The following GTF2H5 variants were observed in gnomAD, a reference collection of about 807,000 sequenced individuals.
The protein encoded by GTF2H5 is TFB5 ortholog.
GTF2H5 carries 5 observed loss-of-function variants against 7.1 expected under a neutral mutation model. That is an observed-to-expected ratio of 0.71 (90% CI 0.37 to 1.49). The LOEUF is 1.49. Ranked by LOEUF, GTF2H5 falls within the 40% of genes most tolerant of loss-of-function variation. GTF2H5 has a pLI of 0.03. For synonymous variants in GTF2H5, 30 were observed against 31.7 expected (o/e 0.95, Z 0.18); for missense variants, 80 against 83.0 (o/e 0.96, Z 0.14).
Position 158,192,041 on chromosome 6 carries a change from A to G in GTF2H5, c.100A>G (p.Ile34Val), listed in dbSNP as rs748906092. 107 of 1,613,762 alleles carry G rather than the reference A, an allele frequency of 6.6e-5. 1 individual carries two copies. Among genetic ancestry groups the G allele is most frequent in the Middle Eastern group, 3.3e-4 (2 of 6,084 alleles). The part of the protein sequence containing the change: ...DESNALGKKF[I>V]IQDIDDTHVF... ...GTCCAATGCCCTGGGGAAGAAGTTC[A>G]TCATTCAAGACATTGATGACACTCA... Residue 34 changes from isoleucine (I) to valine (V), a missense_variant, in exon 3 of 3, where the codon ATC (isoleucine) becomes GTC (valine). Coordinates refer to ENST00000607778, the MANE Select transcript of GTF2H5 (RefSeq NM_207118.3).
At chr6:158,185,136 A>G (rs1315400322) in intron 2 of GTF2H5, among the ~76,000 whole-genome samples, 6 of 112,530 alleles carry the variant, frequency 5.3e-5, no homozygotes, top group African/African-American at 2.1e-4. Context: ...TGTCCCTTAA[A>G]CTTTGAGTGT....
intron 2 of GTF2H5, among the ~76,000 whole-genome samples, chr6:158,188,858 C>T (rs1776974739): frequency 6.6e-6 from 1 of 151,992 alleles, no homozygotes; most frequent in East Asian, 1.9e-4. Context: ...TTTTTTCAGT[C>T]ACCCAATAAA....
intron 2 of GTF2H5, among the ~76,000 whole-genome samples, chr6:158,187,759 G>A (rs561821652): frequency 6.6e-6 from 1 of 152,216 alleles, no homozygotes; most frequent in East Asian, 1.9e-4. Context: ...GTAGAGATGG[G>A]GTTTCACCGT....
At chr6:158,179,233 G>C (rs1383945657) in intron 2 of GTF2H5, among the ~76,000 whole-genome samples, 2 of 152,196 alleles carry the variant, frequency 1.3e-5, no homozygotes, top group African/African-American at 4.8e-5. Flanking sequence ...GTATCATGCT[G>C]TTTTGGTTAC....
chr6:158,173,782 A>G (rs1283446351), intron 2 of GTF2H5, among the ~76,000 whole-genome samples: 4 of 141,288 alleles, frequency 2.8e-5, no homozygotes, highest in African/African-American at 1.0e-4. Context: ...TGGCTACCCC[A>G]TAGGCAGAGT....
intron 1 of GTF2H5, among the ~76,000 whole-genome samples, chr6:158,168,805 G>C (rs991644181): frequency 2.1e-4 from 32 of 152,202 alleles, no homozygotes; most frequent in Admixed American, 5.9e-4. Flanking sequence ...TATGTAAAAT[G>C]AGGTGGCTGA....
intron 2 of GTF2H5, among the ~76,000 whole-genome samples, chr6:158,172,536 G>A (rs1163139701): frequency 6.6e-6 from 1 of 152,066 alleles, no homozygotes; most frequent in African/African-American, 2.4e-5. Flanking sequence ...TTGACCTCAT[G>A]ATCCACCTGC....
At position 158,198,057 on chromosome 6, in the gene GTF2H5, C is replaced by T. The variant is rs1583643217; in HGVS notation, c.*5900C>T. 2.0e-5 allele frequency: 3 copies of T among 152,088 alleles called. No individual in the cohort carries two copies. The allele number at this position is 152,088 out of a possible 1,614,324, so 9.4% of individuals were successfully genotyped here. On this transcript the variant is annotated 3_prime_UTR_variant, in exon 3 of 3. Transcript: ENST00000607778. ...AAGTCCCCTCAGATATAAAGCAGAA[C>T]GTTATGAAACTGAGTTACCTTGAAT...
rs898660999 is a variant in GTF2H5 at position 158,192,544 on chromosome 6, T to G, written c.*387T>G. The G allele has an allele frequency of 1.9e-5, 5 of 259,536 alleles. No homozygotes were observed. Among genetic ancestry groups the G allele is most frequent in the African/African-American group, 9.1e-5 (4 of 44,182 alleles). The allele number at this position is 259,536 out of a possible 1,614,324, so 16.1% of individuals were successfully genotyped here. A position where few individuals can be genotyped will look rare whatever the true frequency, so the allele number is the denominator to read the frequency against. On this transcript the variant is annotated 3_prime_UTR_variant, in exon 3 of 3. Transcript: ENST00000607778. ...TCAGTTAGAAACGTCATAGATTTGCTGTTTGAATATGCCAAGGTGGGGACT... is the reference window on the plus strand; with the variant it reads ...TCAGTTAGAAACGTCATAGATTTGCGGTTTGAATATGCCAAGGTGGGGACT...
intron 2 of GTF2H5, 129 bp from the exon 3 acceptor site, chr6:158,191,848 A>T: frequency 1.4e-6 from 1 of 725,276 alleles, no homozygotes; most frequent in South Asian, 1.6e-5. Context: ...GCAGAGAGGA[A>T]GTGAGGGATT....
intron 1 of GTF2H5, among the ~76,000 whole-genome samples, chr6:158,169,527 A>ATTG (rs1562468495): frequency 2.0e-4 from 17 of 84,638 alleles, no homozygotes; most frequent in East Asian, 4.1e-4. Flanking sequence ...TATATAATAT[A>ATTG]CAGTATATTA....
intron 1 of GTF2H5, among the ~76,000 whole-genome samples, chr6:158,169,629 T>A (rs1785773440): frequency 1.2e-5 from 1 of 85,610 alleles, no homozygotes; most frequent in Non-Finnish European, 1.9e-5. Flanking sequence ...TATAATATAT[T>A]GTATATTACA....
In GTF2H5 at chr6:158,192,054, T is replaced by C. The variant is rs1248333924; in HGVS notation, c.113T>C (p.Ile38Thr). The C allele has an allele frequency of 2.5e-6, 4 of 1,612,750 alleles. No homozygotes were observed. The highest frequency in any genetic ancestry group is 1.1e-5 in the South Asian group (1 of 91,064). Residue 38 changes from isoleucine to threonine, a missense_variant, in exon 3 of 3, where the codon ATT becomes ACT. Ile to Thr is a moderately conservative substitution (Grantham distance 89). Transcript: ENST00000607778. ...GGGAAGAAGTTCATCATTCAAGACA[T>C]TGATGACACTCACGTCTTTGTAATA... is the stretch of plus-strand genomic sequence containing the variant. ...ALGKKFIIQDIDDTHVFVIAE... is the reference protein window; with the variant it reads ...ALGKKFIIQDTDDTHVFVIAE...
chr6:158,184,456 T>C (rs984089703), intron 2 of GTF2H5, among the ~76,000 whole-genome samples: 1 of 152,152 alleles, frequency 6.6e-6, no homozygotes, highest in Non-Finnish European at 1.5e-5. Context: ...TTATATGTTT[T>C]CTTGGGAAAA....
chr6:158,185,583 C>A (rs9459620), intron 2 of GTF2H5, among the ~76,000 whole-genome samples: 56,223 of 150,480 alleles, frequency 0.37, 11,735 homozygotes, highest in African/African-American at 0.55. Flanking sequence ...GATATTAAAG[C>A]GTTATTTCAG....
At chr6:158,169,425 A>ATAT (rs1231681450) in intron 1 of GTF2H5, among the ~76,000 whole-genome samples, 3,707 of 72,548 alleles carry the variant, frequency 0.051, 363 homozygotes, top group Admixed American at 0.14. Flanking sequence ...ATTATATATA[A>ATAT]TATATTGTAT....
chr6:158,170,491 C>G lies in GTF2H5; in HGVS notation c.-13C>G. 2.5e-6 allele frequency: 4 copies of G among 1,604,382 alleles called. No individual in the cohort carries two copies. The highest frequency in any genetic ancestry group is 3.4e-6 in the Non-Finnish European group (4 of 1,171,148). Reference sequence around the variant, plus strand: ...TTAGCATTCTTCAGGTCATCTGAACCTTCTGAGAAAACATGGTCAACGTCT... The same window carrying G: ...TTAGCATTCTTCAGGTCATCTGAACGTTCTGAGAAAACATGGTCAACGTCT... On this transcript the variant is annotated 5_prime_UTR_variant, in exon 2 of 3. Coordinates refer to ENST00000607778, the MANE Select transcript of GTF2H5 (RefSeq NM_207118.3).
rs796092514 is a variant in GTF2H5 at position 158,169,408 on chromosome 6, AT to A, written c.-35+1015del. On this transcript the variant is annotated intron_variant, in intron 1 of 2. Coordinates refer to ENST00000607778, the MANE Select transcript of GTF2H5 (RefSeq NM_207118.3). ...TATTATATATAATATTATATTGTATATTATATATTATATATAATATATTGTA... is the reference window on the plus strand; with the variant it reads ...TATTATATATAATATTATATTGTATATATATATTATATATAATATATTGTA... Among the ~76,000 whole-genome samples the A allele has an allele frequency of 3.2e-3, 277 of 85,740 alleles. 12 individuals carry two copies. Among genetic ancestry groups the A allele is most frequent in the South Asian group, 0.025 (85 of 3,386 alleles). The allele number at this position is 85,740 out of a possible 152,430, so 56.2% of individuals were successfully genotyped here.
chr6:158,189,400 GAT>G (rs1776983436), intron 2 of GTF2H5, among the ~76,000 whole-genome samples: 1 of 152,112 alleles, frequency 6.6e-6, no homozygotes, highest in Non-Finnish European at 1.5e-5. Context: ...AATCCTTAGT[GAT>G]GTTAGTATCC....
Sources: allele counts gnomAD v4.1 joint callset (sites outside exome capture counted in the v4.1 genomes callset), GRCh38; gene constraint gnomAD v4.1.1; transcripts MANE v1.5; gene names NCBI Gene and HGNC (gene_info 2026-07-23, HGNC 2026-07-21).